RASSF9: variants seen among roughly 807,000 people sequenced by gnomAD.
The protein encoded by RASSF9 is Ras association domain family member 9.
Under a neutral mutation model 21.4 loss-of-function variants are expected in RASSF9, and 18 were observed. The ratio of observed to expected loss-of-function variants is 0.84; its 90% CI spans 0.58 to 1.25. The LOEUF is 1.25. Among genes scored for constraint, RASSF9 ranks in the 50% most tolerant of loss-of-function variants. The pLI is 0.00. For missense variants in RASSF9, 480 were observed against 503.2 expected (o/e 0.95, Z 0.44); for synonymous variants, 183 against 179.1 (o/e 1.02, Z -0.18).
intron 1 of RASSF9, among the ~76,000 whole-genome samples, chr12:85,818,825 G>A (rs61930069): frequency 0.086 from 13,053 of 152,044 alleles, 647 homozygotes; most frequent in Middle Eastern, 0.18. Flanking sequence ...CGGGCGTGGT[G>A]GCGGGCGCCT....
chr12:85,833,444 T>C (rs1880495018), intron 1 of RASSF9, among the ~76,000 whole-genome samples: 1 of 151,914 alleles, frequency 6.6e-6, no homozygotes, highest in African/African-American at 2.4e-5. Flanking sequence ...TAAAATTTTG[T>C]ATTGCCTCAT....
chr12:85,827,807 C>G (rs1006779854), intron 1 of RASSF9, among the ~76,000 whole-genome samples: 4 of 152,186 alleles, frequency 2.6e-5, no homozygotes, highest in African/African-American at 9.7e-5. Context: ...AGACCACTCT[C>G]CACTACATGA....
chr12:85,807,972 T>A (rs17345849), intron 1 of RASSF9, among the ~76,000 whole-genome samples: 9,492 of 152,210 alleles, frequency 0.062, 351 homozygotes, highest in Non-Finnish European at 0.079. Flanking sequence ...TGAGTAGTAA[T>A]TGGCTTCTTG....
In RASSF9 at chr12:85,803,244, T is replaced by G. The variant is rs945597419; in HGVS notation, c.*1458A>C. On this transcript the variant is annotated 3_prime_UTR_variant, in exon 2 of 2. Transcript: ENST00000361228. ...TGAGTTAAAACCTGCACTAAAAGTA[T>G]GCAAAAGAATAAAAGAGAAGAAATG... The G allele has an allele frequency of 1.3e-5, 2 of 152,044 alleles. No homozygotes were observed. The highest frequency in any genetic ancestry group is 2.9e-5 in the Non-Finnish European group (2 of 67,986). 9.4% of individuals were successfully genotyped at this position (152,044 alleles called of 1,614,324 possible).
In RASSF9 at chr12:85,805,624, G is replaced by A; in HGVS notation, c.386C>T (p.Ala129Val). The A allele has an allele frequency of 6.2e-7, 1 of 1,613,956 alleles. No individual in the cohort carries two copies. The highest frequency in any genetic ancestry group is 8.5e-7 in the Non-Finnish European group (1 of 1,179,898). ...AFLPVPLWRT[A>V]EAKLVQNTEK... ...TGTGTTTTGCACTAATTTGGCTTCAGCTGTCCGCCACAAAGGAACTGGAAG... is the reference window on the plus strand; with the variant it reads ...TGTGTTTTGCACTAATTTGGCTTCAACTGTCCGCCACAAAGGAACTGGAAG... Residue 129 changes from alanine to valine, a missense_variant, in exon 2 of 2, where the codon GCT becomes GTT. Transcript: ENST00000361228.
At chr12:85,819,210 A>G (rs1565754809) in intron 1 of RASSF9, among the ~76,000 whole-genome samples, 1 of 147,350 alleles carries the variant, frequency 6.8e-6, no homozygotes, top group East Asian at 2.0e-4. Context: ...TGCTTTAAGC[A>G]TTTTTTTTTT....
rs1009848499 is a variant in RASSF9 at position 85,802,943 on chromosome 12, G to A, written c.*1759C>T. ...CTCTTTATCACTGTATTTTTCCATA[G>A]AATGGAAATTTCTATTTTTCTTACC... On this transcript the variant is annotated 3_prime_UTR_variant, in exon 2 of 2. Transcript: ENST00000361228. 1.3e-5 allele frequency: 2 copies of A among 151,972 alleles called. No individual in the cohort carries two copies. The highest frequency in any genetic ancestry group is 2.9e-5 in the Non-Finnish European group (2 of 67,966). 9.4% of individuals were successfully genotyped at this position (151,972 alleles called of 1,614,324 possible).
At chr12:85,827,205 A>G (rs1348018077) in intron 1 of RASSF9, among the ~76,000 whole-genome samples, 1 of 152,162 alleles carries the variant, frequency 6.6e-6, no homozygotes, top group Non-Finnish European at 1.5e-5. Context: ...CATTCTTCCC[A>G]ACATCTTCTG....
Position 85,805,278 on chromosome 12 carries a change from C to T in RASSF9, c.732G>A (p.Glu244=). The T allele has an allele frequency of 6.2e-7, 1 of 1,613,460 alleles. No homozygotes were observed. The change falls in exon 2 of 2, where the codon GAG becomes GAA. Residue 244 remains glutamate (E), a synonymous_variant. Coordinates refer to ENST00000361228, the MANE Select transcript of RASSF9 (RefSeq NM_005447.4). ...CCTCATACTGCAAGTCTAGATTTTG[C>T]TCAACTTCACTGAAACTGGGCATTA... The part of the protein sequence containing the change: ...AYLMPSFSEV[E]QNLDLQYEEN...
At chr12:85,812,462 T>C (rs949992766) in intron 1 of RASSF9, among the ~76,000 whole-genome samples, 11 of 151,172 alleles carry the variant, frequency 7.3e-5, no homozygotes, top group African/African-American at 2.4e-4. Flanking sequence ...TAATATCCCC[T>C]GAAATATTGA....
intron 1 of RASSF9, among the ~76,000 whole-genome samples, chr12:85,811,308 A>C (rs1342489482): frequency 6.6e-6 from 1 of 151,826 alleles, no homozygotes; most frequent in African/African-American, 2.4e-5. Context: ...CAGATGATAA[A>C]ATTGATATTG....
chr12:85,826,447 A>ATTTT (rs560187497), intron 1 of RASSF9, among the ~76,000 whole-genome samples: 2,176 of 130,600 alleles, frequency 0.017, 72 homozygotes, highest in African/African-American at 0.06. Context: ...TCCTTCCAAT[A>ATTTT]TTTTTTTTTT....
chr12:85,824,093 C>T lies in RASSF9; in HGVS notation c.47+12062G>A, dbSNP rs537193701. On this transcript the variant is annotated intron_variant, in intron 1 of 1. Transcript: ENST00000361228. ...ACTATTACGACCTTGAGCTCTAGACCTATATTCCCAACTTCTTTTTTTTTG... is the reference window on the plus strand; with the variant it reads ...ACTATTACGACCTTGAGCTCTAGACTTATATTCCCAACTTCTTTTTTTTTG... Among the ~76,000 whole-genome samples, 4 of 152,202 alleles carry T rather than the reference C, an allele frequency of 2.6e-5. No individual in the cohort carries two copies. In the South Asian group the frequency reaches 8.3e-4, roughly 32 times the overall value.
At chr12:85,819,667 T>A (rs1056825749) in intron 1 of RASSF9, among the ~76,000 whole-genome samples, 1 of 152,072 alleles carries the variant, frequency 6.6e-6, no homozygotes, top group Non-Finnish European at 1.5e-5. Flanking sequence ...CACACCCAAA[T>A]CACAAGTTTG....
rs201674833 is a variant in RASSF9 at position 85,816,309 on chromosome 12, T to TAA, written c.48-10349_48-10348dup. On this transcript the variant is annotated intron_variant, in intron 1 of 1. Coordinates refer to ENST00000361228, the MANE Select transcript of RASSF9 (RefSeq NM_005447.4). ...CACTTGTACCCCTGAACTTAAAAGT[T>TAA]AAAAAAAAAAAAAAGCAATGGTTAC... Among the ~76,000 whole-genome samples the TAA allele has an allele frequency of 1.7e-3, 237 of 140,102 alleles. 1 individual carries two copies. Among genetic ancestry groups the TAA allele is most frequent in the African/African-American group, 3.8e-3 (145 of 38,410 alleles). 91.9% of individuals were successfully genotyped at this position (140,102 alleles called of 152,430 possible). A position where few individuals can be genotyped will look rare whatever the true frequency, so the allele number is the denominator to read the frequency against.
In RASSF9 at chr12:85,800,707, G is replaced by T. The variant is rs746121945; in HGVS notation, c.*3995C>A. ...CACCCAAAACAATATCACAAGAAAG[G>T]TATAATTATTTCTTTTATTATTTTG... is the stretch of plus-strand genomic sequence containing the variant. On this transcript the variant is annotated 3_prime_UTR_variant, in exon 2 of 2. Transcript: ENST00000361228. 2 of 150,818 alleles carry T rather than the reference G, an allele frequency of 1.3e-5. No individual in the cohort carries two copies. The highest frequency in any genetic ancestry group is 2.9e-5 in the Non-Finnish European group (2 of 67,804). 9.3% of individuals were successfully genotyped at this position (150,818 alleles called of 1,614,324 possible).
intron 1 of RASSF9, among the ~76,000 whole-genome samples, chr12:85,815,860 G>A (rs932187256): frequency 3.3e-5 from 5 of 151,808 alleles, no homozygotes; most frequent in South Asian, 2.1e-4. Context: ...ATGTACATAC[G>A]CATATTTCAT....
intron 1 of RASSF9, among the ~76,000 whole-genome samples, chr12:85,830,004 T>C (rs1880414511): frequency 6.6e-6 from 1 of 152,174 alleles, no homozygotes; most frequent in South Asian, 2.1e-4. Context: ...GGTACAGTAC[T>C]AAACACAGTT....
chr12:85,814,250 G>C (rs1299219070), intron 1 of RASSF9, among the ~76,000 whole-genome samples: 1 of 151,880 alleles, frequency 6.6e-6, no homozygotes, highest in East Asian at 1.9e-4. Context: ...CCCTACCAAG[G>C]GTGATTTGCC....
Sources: gnomAD v4.1 joint callset for allele counts (sites outside exome capture counted in the v4.1 genomes callset) on GRCh38, gnomAD v4.1.1 for gene constraint, MANE v1.5 for transcripts, NCBI Gene and HGNC (gene_info 2026-07-23, HGNC 2026-07-21) for gene names.